Variants in CACNA1D observed in about 807,000 individuals in gnomAD.
CACNA1D encodes the protein calcium voltage-gated channel subunit alpha1 D.
A neutral mutation model predicts 257.1 loss-of-function variants in CACNA1D; 55 were observed. The ratio of observed to expected loss-of-function variants is 0.21; its 90% CI spans 0.17 to 0.27. The LOEUF (loss-of-function observed/expected upper bound fraction) is 0.27, where lower values mean the gene tolerates loss of function less well. Among genes scored for constraint, CACNA1D ranks in the 10% least tolerant of loss-of-function variants. CACNA1D has a pLI of 1.00. For missense variants in CACNA1D, 1,876 were observed against 2,784.0 expected, an observed-to-expected ratio of 0.67 and a Z score of 7.34; for synonymous variants, 980 against 1,014.9, an observed-to-expected ratio of 0.97 and a Z score of 0.65.
chr3:53,689,453 T>G (rs2094500896), intron 8 of CACNA1D, among the ~76,000 whole-genome samples: 1 of 146,570 alleles, frequency 6.8e-6, no homozygotes, highest in Non-Finnish European at 1.5e-5. Flanking sequence ...CAGAGTGCAG[T>G]GGAGTTAGGA....
Position 53,635,208 on chromosome 3 carries a change from G to A in CACNA1D, c.484-15571G>A, listed in dbSNP as rs187642572. On this transcript the variant is annotated intron_variant, in intron 3 of 47. Coordinates refer to ENST00000350061, the MANE Select transcript of CACNA1D (RefSeq NM_001128840.3). ...TGTGTGCACCTGACTGCAAACAGCC[G>A]CCATGCCTGCTGGAGGACACATGTG... Among the ~76,000 whole-genome samples, 118 of 152,202 alleles carry A rather than the reference G, an allele frequency of 7.8e-4. 1 individual carries two copies. Among genetic ancestry groups the A allele is most frequent in the Admixed American group, 2.9e-3 (45 of 15,282 alleles).
At chr3:53,570,647 C>T (rs1217894166) in intron 3 of CACNA1D, among the ~76,000 whole-genome samples, 1 of 152,222 alleles carries the variant, frequency 6.6e-6, no homozygotes, top group Non-Finnish European at 1.5e-5. Context: ...GTTAAGATAG[C>T]ACATGCAAAC....
chr3:53,740,762 T>C (rs2095109750), intron 21 of CACNA1D, among the ~76,000 whole-genome samples: 1 of 152,172 alleles, frequency 6.6e-6, no homozygotes, highest in South Asian at 2.1e-4. Context: ...CCTCTGTAAT[T>C]TGTCAACTGA....
At chr3:53,719,028 G>C (rs982022366) in intron 10 of CACNA1D, among the ~76,000 whole-genome samples, 7 of 152,048 alleles carry the variant, frequency 4.6e-5, no homozygotes, top group Non-Finnish European at 7.4e-5. Flanking sequence ...CAGCTGGCGG[G>C]GGGGCTGGGG....
chr3:53,616,743 G>A, intron 3 of CACNA1D, among the ~76,000 whole-genome samples: 1 of 152,170 alleles, frequency 6.6e-6, no homozygotes, highest in East Asian at 1.9e-4. Flanking sequence ...TATAGGAAAT[G>A]AGGCAGGAGC....
chr3:53,683,395 A>C (rs911500455), intron 8 of CACNA1D, among the ~76,000 whole-genome samples: 5 of 152,216 alleles, frequency 3.3e-5, no homozygotes, highest in African/African-American at 1.2e-4. Context: ...ACCTGACTTA[A>C]AAAGCATAGA....
At chr3:53,709,780 T>C (rs879146880) in intron 9 of CACNA1D, among the ~76,000 whole-genome samples, 2 of 152,234 alleles carry the variant, frequency 1.3e-5, no homozygotes, top group African/African-American at 2.4e-5. Flanking sequence ...GGTGGTTGAT[T>C]GTGCCTTGCC....
chr3:53,721,347 G>A (rs2094880847), intron 11 of CACNA1D, among the ~76,000 whole-genome samples: 1 of 152,212 alleles, frequency 6.6e-6, no homozygotes, highest in Non-Finnish European at 1.5e-5. Context: ...GGGTAGCCTG[G>A]AGATTCCTCT....
intron 8 of CACNA1D, among the ~76,000 whole-genome samples, chr3:53,682,357 G>T (rs1007422195): frequency 2.9e-5 from 2 of 70,092 alleles, no homozygotes; most frequent in Admixed American, 2.1e-4. Context: ...GCGAGGCTTT[G>T]TCTCTGGTAA....
chr3:53,606,125 A>G (rs1279337873), intron 3 of CACNA1D, among the ~76,000 whole-genome samples: 1 of 152,268 alleles, frequency 6.6e-6, no homozygotes, highest in African/African-American at 2.4e-5. Flanking sequence ...TAATAGGAAC[A>G]AAGTGCTGAA....
chr3:53,633,089 C>T (rs902942843), intron 3 of CACNA1D, among the ~76,000 whole-genome samples: 1 of 152,188 alleles, frequency 6.6e-6, no homozygotes, highest in African/African-American at 2.4e-5. Context: ...GTGTGAAGTA[C>T]AATAAAATGA....
intron 8 of CACNA1D, among the ~76,000 whole-genome samples, chr3:53,692,274 T>G (rs568497296): frequency 3.9e-5 from 6 of 152,192 alleles, no homozygotes; most frequent in African/African-American, 1.4e-4. Flanking sequence ...TGAAGTAAAT[T>G]CTGCAAAAGC....
chr3:53,785,559 C>G (rs2095448315), intron 39 of CACNA1D: 2 of 152,230 alleles, frequency 1.3e-5, no homozygotes, highest in South Asian at 4.1e-4. Flanking sequence ...CCATGTCCCC[C>G]AGCCCATCAA....
intron 30 of CACNA1D, among the ~76,000 whole-genome samples, chr3:53,769,504 G>A (rs553662736): frequency 2.6e-5 from 4 of 152,326 alleles, no homozygotes; most frequent in Non-Finnish European, 4.4e-5. Context: ...AGTCTCATAG[G>A]AACAGAGTGT....
At chr3:53,632,336 C>T (rs928920609) in intron 3 of CACNA1D, among the ~76,000 whole-genome samples, 1 of 152,236 alleles carries the variant, frequency 6.6e-6, no homozygotes, top group Non-Finnish European at 1.5e-5. Context: ...GCAGCTTCTT[C>T]AGCCTTTATA....
chr3:53,768,293 T>G (rs1456717945), intron 30 of CACNA1D, among the ~76,000 whole-genome samples: 1 of 152,144 alleles, frequency 6.6e-6, no homozygotes, highest in Non-Finnish European at 1.5e-5. Context: ...AGGATAACTG[T>G]AGAGCCGTCT....
At chr3:53,504,592 G>A (rs2090748154) in intron 3 of CACNA1D, among the ~76,000 whole-genome samples, 1 of 152,054 alleles carries the variant, frequency 6.6e-6, no homozygotes, top group Non-Finnish European at 1.5e-5. Context: ...TCATGGAAAC[G>A]GTGCAACTCA....
chr3:53,650,541 T>G (rs969369990), intron 3 of CACNA1D, among the ~76,000 whole-genome samples: 1 of 152,258 alleles, frequency 6.6e-6, no homozygotes. Context: ...AATGCAGTCA[T>G]GCAGCCTGGA....
chr3:53,754,439 G>A (rs952549748), intron 29 of CACNA1D, among the ~76,000 whole-genome samples: 4 of 152,136 alleles, frequency 2.6e-5, no homozygotes, highest in Admixed American at 2.0e-4. Context: ...TCTTCCCTGC[G>A]CCTCGACTTC....
Sources: gnomAD v4.1 joint callset for allele counts (sites outside exome capture counted in the v4.1 genomes callset) on GRCh38, gnomAD v4.1.1 for gene constraint, MANE v1.5 for transcripts, NCBI Gene and HGNC (gene_info 2026-07-23, HGNC 2026-07-21) for gene names.